The following NPHP3 variants were observed in gnomAD, a reference collection of about 807,000 sequenced individuals.
NPHP3 encodes nephrocystin-3.
A neutral mutation model predicts 171.9 loss-of-function variants in NPHP3; 123 were observed. That is an observed-to-expected ratio of 0.72 (90% confidence interval 0.62 to 0.83). The LOEUF (loss-of-function observed/expected upper bound fraction) is 0.83, where lower values mean the gene tolerates loss of function less well. NPHP3 is among the 40% of genes least tolerant of loss of function. The probability of loss-of-function intolerance (pLI) is 0.00; values close to 1 mark genes in which losing one functional copy is unlikely to be tolerated. For synonymous variants in NPHP3, 558 were observed against 579.2 expected (o/e 0.96, Z 0.52); for missense variants, 1,506 against 1,591.9 (o/e 0.95, Z 0.92).
At chr3:132,685,232 G>C (rs1011505057) in intron 23 of NPHP3, 2 of 181,064 alleles carry the variant, frequency 1.1e-5, no homozygotes, top group African/African-American at 4.8e-5. Flanking sequence ...TCCCACCTTA[G>C]CCTCTCAAGT....
rs562972845 is a variant in NPHP3 at position 132,692,381 on chromosome 3, C to A, written c.2475+273G>T. 2.0e-5 allele frequency among the ~76,000 whole-genome samples: 3 copies of A among 152,230 alleles called. No homozygotes were observed. In the South Asian group the frequency reaches 6.2e-4, roughly 32 times the overall value. On this transcript the variant is annotated intron_variant, in intron 17 of 26. Transcript: ENST00000337331. ...TTTTTTCTCTTCAAGAAATAAACTACCTTTAAGAAACTTTTTTTGATCTTT... is the reference window on the plus strand; with the variant it reads ...TTTTTTCTCTTCAAGAAATAAACTAACTTTAAGAAACTTTTTTTGATCTTT...
rs764314027 is a variant in NPHP3, at chr3:132,681,874, T to C, written c.*36A>G. 4 of 1,561,936 alleles carry C rather than the reference T, an allele frequency of 2.6e-6. No homozygotes were observed. The highest frequency in any genetic ancestry group is 1.7e-4 in the Middle Eastern group (1 of 5,966). On this transcript the variant is annotated 3_prime_UTR_variant, in exon 27 of 27. Transcript: ENST00000337331. Reference sequence around the variant, plus strand: ...GTTCCAAATGTTTAATTATTTTGTCTTAAGGTACATTTGCAAAGAATTCTA... The same window carrying C: ...GTTCCAAATGTTTAATTATTTTGTCCTAAGGTACATTTGCAAAGAATTCTA...
chr3:132,685,667 C>G (rs1469081030), intron 23 of NPHP3: 1 of 152,136 alleles, frequency 6.6e-6, no homozygotes, highest in Non-Finnish European at 1.5e-5. Flanking sequence ...GCTGCTGCTT[C>G]TGTGAGATCT....
At chr3:132,702,005 G>C (rs543364633) in intron 9 of NPHP3, among the ~76,000 whole-genome samples, 1 of 152,096 alleles carries the variant, frequency 6.6e-6, no homozygotes, top group Admixed American at 6.6e-5. Flanking sequence ...CAGCCTGGGC[G>C]ACAGAGCAAG....
intron 18 of NPHP3, among the ~76,000 whole-genome samples, chr3:132,690,985 A>G (rs1345355663): frequency 6.6e-6 from 1 of 152,202 alleles, no homozygotes; most frequent in Non-Finnish European, 1.5e-5. Context: ...TCCTACATTG[A>G]TTTTCCTTGT....
chr3:132,709,047 T>C (rs1478062429), intron 6 of NPHP3, among the ~76,000 whole-genome samples: 1 of 151,998 alleles, frequency 6.6e-6, no homozygotes, highest in African/African-American at 2.4e-5. Flanking sequence ...ACTTTTCTCA[T>C]CTAATAAATG....
rs577583077 is a variant in NPHP3 at position 132,722,204 on chromosome 3, G to A, written c.152C>T (p.Ala51Val). 118 of 1,510,812 alleles carry A rather than the reference G, an allele frequency of 7.8e-5. No homozygotes were observed. The highest frequency in any genetic ancestry group is 7.7e-4 in the African/African-American group (54 of 69,780). 93.6% of individuals were successfully genotyped at this position (1,510,812 alleles called of 1,614,324 possible). ...CGACCCGGGCCCGGCCCCTGCTGCC[G>A]CCCCCGCGCCTCGGCGGAACGAGTT... Reference protein sequence around the residue: ...LRNSFRRGAGAAAGAGPGSLP... With the variant: ...LRNSFRRGAGVAAGAGPGSLP... Residue 51 changes from alanine (A) to valine (V), a missense_variant, in exon 1 of 27, where the codon GCG (alanine) becomes GTG (valine). This residue lies in a region of NPHP3 where 930 missense variants were observed against 924.9 expected (regional missense o/e 1.01). Coordinates refer to ENST00000337331, the MANE Select transcript of NPHP3 (RefSeq NM_153240.5).
rs2107963567 is a variant in NPHP3 at position 132,684,873 on chromosome 3, A to C, written c.3330-79T>G. ...TCCTGACCCCTAAATTAAGTGGAGAACTGACTCATCTTTATTCTTAGATTC... is the reference window on the plus strand; with the variant it reads ...TCCTGACCCCTAAATTAAGTGGAGACCTGACTCATCTTTATTCTTAGATTC... On this transcript the variant is annotated intron_variant, in intron 23 of 26. Coordinates refer to ENST00000337331, the MANE Select transcript of NPHP3 (RefSeq NM_153240.5). 6.7e-6 allele frequency: 10 copies of C among 1,498,368 alleles called. No homozygotes were observed. The South Asian group carries it at 1.1e-4, about 17-fold the overall frequency. 92.8% of individuals were successfully genotyped at this position (1,498,368 alleles called of 1,614,324 possible).
chr3:132,683,301 C>A lies in NPHP3; in HGVS notation c.3696+98G>T, dbSNP rs1368638417. On this transcript the variant is annotated intron_variant, in intron 25 of 26. Transcript: ENST00000337331. The stretch of plus-strand genomic sequence containing the variant: ...AGTATTAGAAATATCCTTAAATTGT[C>A]TTTCATTCTATTTAGTGTTCCCTAT... The A allele has an allele frequency of 5.4e-6, 6 of 1,103,460 alleles. No individual in the cohort carries two copies. In the African/African-American group the frequency reaches 7.8e-5, roughly 14 times the overall value. The allele number at this position is 1,103,460 out of a possible 1,614,324, so 68.4% of individuals were successfully genotyped here. A position where few individuals can be genotyped will look rare whatever the true frequency, so the allele number is the denominator to read the frequency against.
intron 18 of NPHP3, 29 bp downstream of exon 18, chr3:132,691,163 C>G (rs772235454): frequency 1.3e-6 from 2 of 1,512,690 alleles, no homozygotes; most frequent in South Asian, 1.1e-5. Flanking sequence ...GCAGAAGTTA[C>G]AGAAGAACAA....
chr3:132,716,579 T>C (rs1305364482), intron 4 of NPHP3, among the ~76,000 whole-genome samples, 178 bp downstream of exon 4: 1 of 152,178 alleles, frequency 6.6e-6, no homozygotes, highest in Non-Finnish European at 1.5e-5. Context: ...CCATATGAAT[T>C]ATGCAACCTC....
intron 9 of NPHP3, among the ~76,000 whole-genome samples, chr3:132,702,974 C>T (rs190765511): frequency 5.9e-5 from 9 of 152,314 alleles, no homozygotes; most frequent in African/African-American, 2.2e-4. Context: ...ACTCCCAGAT[C>T]TGCAATCTAC....
At chr3:132,721,500 T>G in intron 1 of NPHP3, 2 of 237,074 alleles carry the variant, frequency 8.4e-6, no homozygotes, top group Non-Finnish European at 1.7e-5. Flanking sequence ...CTAGGAAGAG[T>G]TTGCTGAGTT....
chr3:132,710,711 TTC>T (rs1182030896), intron 6 of NPHP3, among the ~76,000 whole-genome samples: 1 of 152,174 alleles, frequency 6.6e-6, no homozygotes, highest in Admixed American at 6.5e-5. Flanking sequence ...TGTAGGAGAT[TTC>T]TCCCGGGATT....
Position 132,701,484 on chromosome 3 carries a change from G to A in NPHP3, c.1574C>T (p.Pro525Leu). The A allele has an allele frequency of 6.2e-7, 1 of 1,613,840 alleles. No individual in the cohort carries two copies. Among genetic ancestry groups the A allele is most frequent in the Non-Finnish European group, 8.5e-7 (1 of 1,179,778 alleles). ...ACCTGGTCCTCCAGACACGAGAAGA[G>A]GTGGAATCGGGGCTGGTGCTGCCAC... The part of the protein sequence containing the change: ...DLVAAPAPIP[P>L]LLVSGGPGSG... Residue 525 changes from proline to leucine, a missense_variant, in exon 10 of 27, where the codon CCT (proline) becomes CTT (leucine). Physicochemically the swap from Pro to Leu is moderately conservative, Grantham distance 98 (BLOSUM62 -3). Around this residue, in one of 3 missense-constraint regions of NPHP3, gnomAD observed 930 missense variants for 924.9 expected, o/e 1.01. Coordinates refer to ENST00000337331, the MANE Select transcript of NPHP3 (RefSeq NM_153240.5).
At chr3:132,717,412 G>C in intron 3 of NPHP3, 1 of 157,026 alleles carries the variant, frequency 6.4e-6, no homozygotes, top group Non-Finnish European at 1.4e-5. Flanking sequence ...AGCTACTTAT[G>C]AACATGATGA....
At position 132,722,168 on chromosome 3, in the gene NPHP3, C is replaced by T. The variant is rs763699273; in HGVS notation, c.188G>A (p.Gly63Glu). ...CCCCAGCAGCCCGCCCGCGCCCACC[C>T]CGCGGGGCAGCGACCCGGGCCCGGC... ...AGAGPGSLPR[G>E]VGAGGLLGAS... Residue 63 changes from glycine (G) to glutamate (E), a missense_variant, in exon 1 of 27, where the codon GGG becomes GAG. Around this residue, in one of 3 missense-constraint regions of NPHP3, gnomAD observed 930 missense variants for 924.9 expected, o/e 1.01. Transcript: ENST00000337331. 4.4e-5 allele frequency: 69 copies of T among 1,570,330 alleles called. No individual in the cohort carries two copies. In the East Asian group the frequency reaches 1.7e-3, roughly 38 times the overall value.
intron 6 of NPHP3, among the ~76,000 whole-genome samples, chr3:132,712,013 A>G (rs1020593125): frequency 2.6e-5 from 4 of 152,262 alleles, no homozygotes; most frequent in African/African-American, 9.6e-5. Flanking sequence ...TTAAAAAAGC[A>G]AAATGCTTTG....
intron 17 of NPHP3, among the ~76,000 whole-genome samples, 160 bp downstream of exon 17, chr3:132,692,494 G>A (rs1231656842): frequency 1.3e-5 from 2 of 152,166 alleles, no homozygotes; most frequent in Non-Finnish European, 2.9e-5. Context: ...ATTTTTAAGT[G>A]TACTACAGTA....
Sources: gnomAD v4.1 joint callset for allele counts (sites outside exome capture counted in the v4.1 genomes callset) on GRCh38, gnomAD v4.1.1 for gene constraint, gnomAD v4.1.1 regional missense constraint, MANE v1.5 for transcripts, NCBI Gene and HGNC (gene_info 2026-07-23, HGNC 2026-07-21) for gene names.